Variants in BNIP3 observed in about 807,000 individuals in gnomAD.
The protein encoded by BNIP3 is BCL2/adenovirus E1B 19 kDa protein-interacting protein 3.
Under a neutral mutation model 23.9 loss-of-function variants are expected in BNIP3, and 16 were observed. The ratio of observed to expected loss-of-function variants is 0.67; its 90% confidence interval spans 0.45 to 1.01. The LOEUF is 1.01. Among genes scored for constraint, BNIP3 ranks in the 50% least tolerant of loss-of-function variants. The pLI, the probability that BNIP3 is intolerant of heterozygous loss-of-function variation, is 0.00. For synonymous variants in BNIP3, 81 were observed against 89.3 expected (o/e 0.91, Z 0.53); for missense variants, 198 against 248.7 (o/e 0.80, Z 1.37).
At chr10:131,974,804 ATTCTT>A (rs2037067594) in intron 1 of BNIP3, among the ~76,000 whole-genome samples, 1 of 152,146 alleles carries the variant, frequency 6.6e-6, no homozygotes, top group South Asian at 2.1e-4. Flanking sequence ...CGAATCTCTT[ATTCTT>A]TTCTATTATC....
At chr10:131,971,069 A>C in intron 3 of BNIP3, 99 bp from the exon 4 acceptor site, 4 of 1,083,848 alleles carry the variant, frequency 3.7e-6, no homozygotes, top group East Asian at 2.5e-5. Flanking sequence ...GGCTCAATTC[A>C]AGAGCCCAGA....
At chr10:131,977,882 T>C (rs1411537706) in intron 1 of BNIP3, among the ~76,000 whole-genome samples, 1 of 152,112 alleles carries the variant, frequency 6.6e-6, no homozygotes, top group East Asian at 1.9e-4. Context: ...AGTTTTATTA[T>C]TAACCCACAG....
intron 3 of BNIP3, 139 bp downstream of exon 3, chr10:131,972,895 C>T (rs1224709457): frequency 1.0e-5 from 8 of 798,264 alleles, no homozygotes; most frequent in East Asian, 5.5e-5. Context: ...TTTTTTGTTT[C>T]GCTTTTTTGT....
In BNIP3 at chr10:131,970,474, TG is replaced by T; in HGVS notation, c.539+163del. 1 of 1,036,848 alleles carries T rather than the reference TG, an allele frequency of 9.6e-7. No homozygotes were observed. Among genetic ancestry groups the T allele is most frequent in the Non-Finnish European group, 1.4e-6 (1 of 734,076 alleles). The allele number at this position is 1,036,848 out of a possible 1,614,324, so 64.2% of individuals were successfully genotyped here. A position where few individuals can be genotyped will look rare whatever the true frequency, so the allele number is the denominator to read the frequency against. On this transcript the variant is annotated intron_variant, in intron 5 of 5. Coordinates refer to ENST00000368636, the MANE Select transcript of BNIP3 (RefSeq NM_004052.4). The surrounding 1 kb of genome is among the most constrained non-coding windows in gnomAD (Gnocchi z 4.1). ...GCTGGGGCCTTTGGGGGCTGCAGGC[TG>T]GTGGTTTCTGGACCTGAACAGTGAC...
intron 3 of BNIP3, 190 bp from the exon 4 acceptor site, chr10:131,971,160 G>A: frequency 1.7e-6 from 1 of 596,820 alleles, no homozygotes; most frequent in Admixed American, 2.9e-5. Flanking sequence ...CGCACTCCCG[G>A]CTCACAGCAC....
In BNIP3 at chr10:131,973,015, C is replaced by T. The variant is rs1455846460; in HGVS notation, c.282+19G>A. ...GATCACAAATACTTTTACAACTGCA[C>T]ATTCTCCTTCCAGCTTACCTGTGAG... On this transcript the variant is annotated intron_variant, in intron 3 of 5. Transcript: ENST00000368636. 2.5e-6 allele frequency: 4 copies of T among 1,602,500 alleles called. No homozygotes were observed. The highest frequency in any genetic ancestry group is 1.1e-5 in the South Asian group (1 of 90,852).
intron 1 of BNIP3, among the ~76,000 whole-genome samples, chr10:131,979,012 C>T (rs183511047): frequency 6.6e-6 from 1 of 152,306 alleles, no homozygotes; most frequent in East Asian, 1.9e-4. Context: ...TGGCTTCCAA[C>T]GGGGCTCGTT....
At chr10:131,978,236 T>G (rs1259212137) in intron 1 of BNIP3, among the ~76,000 whole-genome samples, 3 of 152,208 alleles carry the variant, frequency 2.0e-5, no homozygotes, top group South Asian at 4.2e-4. Context: ...CTTACCTCCC[T>G]CCTATATCAA....
chr10:131,972,904 GT>G, intron 3 of BNIP3, 129 bp downstream of exon 3: 19 of 881,858 alleles, frequency 2.2e-5, no homozygotes, highest in Non-Finnish European at 2.6e-5. Context: ...TCGCTTTTTT[GT>G]TTTTTTTAAA....
At chr10:131,977,583 G>A (rs150450934) in intron 1 of BNIP3, among the ~76,000 whole-genome samples, 50 of 152,106 alleles carry the variant, frequency 3.3e-4, no homozygotes, top group Non-Finnish European at 6.2e-4. Flanking sequence ...CCTTCAATGA[G>A]GCTACAGAGG....
At position 131,973,125 on chromosome 10, in the gene BNIP3, G is replaced by A. The variant is rs45546033; in HGVS notation, c.198-7C>T. 2.9e-5 allele frequency: 47 copies of A among 1,612,554 alleles called. No individual in the cohort carries two copies. The highest frequency in any genetic ancestry group is 2.0e-4 in the Admixed American group (12 of 59,982). On this transcript the variant is annotated splice_region_variant and splice_polypyrimidine_tract_variant and intron_variant, in intron 2 of 5. Coordinates refer to ENST00000368636, the MANE Select transcript of BNIP3 (RefSeq NM_004052.4). ...TGTCTGCGAGCGAGGTGGGCTTGGC[G>A]ATGTGAATAGAATGGGAAAAACAGA...
chr10:131,975,578 C>T (rs1429522825), intron 1 of BNIP3, among the ~76,000 whole-genome samples: 1 of 152,164 alleles, frequency 6.6e-6, no homozygotes. Flanking sequence ...CCGTCATGTT[C>T]GCTGGAAGCA....
Position 131,981,896 on chromosome 10 carries a change from C to T in BNIP3, c.-90G>A, listed in dbSNP as rs45541140. 2.2e-6 allele frequency: 3 copies of T among 1,346,868 alleles called. No individual in the cohort carries two copies. In the African/African-American group the frequency reaches 4.6e-5, roughly 21 times the overall value. 83.4% of individuals were successfully genotyped at this position (1,346,868 alleles called of 1,614,324 possible). A position where few individuals can be genotyped will look rare whatever the true frequency, so the allele number is the denominator to read the frequency against. ...GGCGGTGGGAAAGCGGAGGTCGGAGCGCCGCGGCCCAGCTGCGCTCCCGGA... is the reference window on the plus strand; with the variant it reads ...GGCGGTGGGAAAGCGGAGGTCGGAGTGCCGCGGCCCAGCTGCGCTCCCGGA... On this transcript the variant is annotated 5_prime_UTR_variant, in exon 1 of 6. Transcript: ENST00000368636.
chr10:131,971,141 G>C (rs371347956), intron 3 of BNIP3, 171 bp from the exon 4 acceptor site: 13 of 632,804 alleles, frequency 2.1e-5, no homozygotes, highest in Admixed American at 1.4e-4. Flanking sequence ...GGCCTTCCCC[G>C]GGCCGCGCCG....
chr10:131,969,463 G>T (rs2037001522), intron 5 of BNIP3: 1 of 152,192 alleles, frequency 6.6e-6, no homozygotes, highest in Non-Finnish European at 1.5e-5. Context: ...ACTCCCAAAA[G>T]CACCAGCAGA....
rs2037026786 is a variant in BNIP3, at chr10:131,970,964, C to T, written c.289G>A (p.Glu97Lys). The change falls in exon 4 of 6, where the codon GAA becomes AAA. Residue 97 changes from glutamate (E) to lysine (K), a missense_variant. Coordinates refer to ENST00000368636, the MANE Select transcript of BNIP3 (RefSeq NM_004052.4). The surrounding 1 kb of genome is among the most constrained non-coding windows in gnomAD (Gnocchi z 4.1). Reference protein sequence around the residue: ...IGEKNSSQSEEDDIERRKEVE... With the variant: ...IGEKNSSQSEKDDIERRKEVE... ...TCTTTCCTTCTTTCAATATCATCTT[C>T]CTCAGACTAAGATAAAGTCAATGTT... The T allele has an allele frequency of 2.5e-6, 4 of 1,613,490 alleles. No individual in the cohort carries two copies. The highest frequency in any genetic ancestry group is 1.1e-5 in the South Asian group (1 of 91,092).
At chr10:131,971,065 A>G in intron 3 of BNIP3, 95 bp from the exon 4 acceptor site, 1 of 1,120,222 alleles carries the variant, frequency 8.9e-7, no homozygotes, top group Non-Finnish European at 1.3e-6. Context: ...CGCAGGCTCA[A>G]TTCAAGAGCC....
chr10:131,972,838 T>C (rs933534400), intron 3 of BNIP3, among the ~76,000 whole-genome samples, 196 bp downstream of exon 3: 2 of 152,106 alleles, frequency 1.3e-5, no homozygotes, highest in Non-Finnish European at 2.9e-5. Flanking sequence ...CTCAGCTGAG[T>C]GTCCAGCCCA....
chr10:131,968,455 T>TC lies in BNIP3; in HGVS notation c.*68dup. 7.6e-7 allele frequency: 1 copy of TC among 1,307,672 alleles called. No individual in the cohort carries two copies. The highest frequency in any genetic ancestry group is 1.1e-6 in the Non-Finnish European group (1 of 905,836). 81.0% of individuals were successfully genotyped at this position (1,307,672 alleles called of 1,614,324 possible). ...CGTGGCCACCCCAGGATCTAACAGC[T>TC]CTTCAGTGAGCTATGTTGCAAGCTC... On this transcript the variant is annotated 3_prime_UTR_variant, in exon 6 of 6. Transcript: ENST00000368636.
Sources: allele counts gnomAD v4.1 joint callset (sites outside exome capture counted in the v4.1 genomes callset), GRCh38; gene constraint gnomAD v4.1.1; non-coding constraint Gnocchi (gnomAD v3.1); transcripts MANE v1.5; gene names NCBI Gene and HGNC (gene_info 2026-07-23, HGNC 2026-07-21).